Variants in HS3ST4 observed in about 807,000 individuals in gnomAD.
The protein encoded by HS3ST4 is heparan sulfate-glucosamine 3-sulfotransferase 4, also known as heparan sulfate glucosamine 3-O-sulfotransferase 4.
Under a neutral mutation model 29.2 loss-of-function variants are expected in HS3ST4, and 17 were observed. The observed-to-expected ratio is 0.58, with a 90% confidence interval of 0.40 to 0.87. HS3ST4 has a LOEUF of 0.87. Ranked by LOEUF, HS3ST4 falls within the 40% of genes least tolerant of loss-of-function variation. HS3ST4 has a pLI of 0.00. For missense variants in HS3ST4, 627 were observed against 634.5 expected (o/e 0.99, Z 0.13); for synonymous variants, 314 against 285.7 (o/e 1.10, Z -1.00).
intron 1 of HS3ST4, among the ~76,000 whole-genome samples, chr16:25,828,242 C>CTTTCTCTTTCTTTCTTTCTT (rs1371928058): frequency 5.3e-5 from 4 of 75,032 alleles, no homozygotes; most frequent in East Asian, 7.5e-4. Flanking sequence ...TTCTTTCTTT[C>CTTTCTCTTTCTTTCTTTCTT]TCTTTCTTTC....
Position 26,042,442 on chromosome 16 carries a change from C to T in HS3ST4, c.735-93170C>T, listed in dbSNP as rs147236840. Among the ~76,000 whole-genome samples the T allele has an allele frequency of 3.2e-3, 492 of 152,068 alleles. 5 individuals carry two copies. Among genetic ancestry groups the T allele is most frequent in the African/African-American group, 0.011 (462 of 41,490 alleles). On this transcript the variant is annotated intron_variant, in intron 1 of 1. Transcript: ENST00000331351. ...TGTCATCAGCTTTAAAGCTATGTGGCGGTTGAATGCAATCATTTCTGTTTT... is the reference window on the plus strand; with the variant it reads ...TGTCATCAGCTTTAAAGCTATGTGGTGGTTGAATGCAATCATTTCTGTTTT...
chr16:25,990,298 G>A (rs1346187080), intron 1 of HS3ST4, among the ~76,000 whole-genome samples: 1 of 152,180 alleles, frequency 6.6e-6, no homozygotes, highest in Non-Finnish European at 1.5e-5. Context: ...TGGGTTATAT[G>A]GTAAGGGTAT....
intron 1 of HS3ST4, among the ~76,000 whole-genome samples, chr16:25,904,627 A>C (rs1968161864): frequency 6.6e-6 from 1 of 152,120 alleles, no homozygotes; most frequent in Non-Finnish European, 1.5e-5. Context: ...TCCTATCTTC[A>C]TTCATTTTTT....
chr16:25,778,208 T>A (rs947410543), intron 1 of HS3ST4, among the ~76,000 whole-genome samples: 6 of 152,232 alleles, frequency 3.9e-5, no homozygotes, highest in Non-Finnish European at 7.3e-5. Context: ...TGACATATTT[T>A]ATCACCTTCT....
intron 1 of HS3ST4, among the ~76,000 whole-genome samples, chr16:25,866,115 C>A (rs1247107226): frequency 6.6e-6 from 1 of 152,150 alleles, no homozygotes; most frequent in Non-Finnish European, 1.5e-5. Context: ...GTATAAAACT[C>A]AATTCCTTAA....
At position 25,734,111 on chromosome 16, in the gene HS3ST4, C is replaced by T. The variant is rs184875651; in HGVS notation, c.734+40960C>T. ...CAGCCTGGGTGACAGAGCGAGACTC[C>T]GTCTCAAAAAAACAAAACAAAACAA... On this transcript the variant is annotated intron_variant, in intron 1 of 1. Transcript: ENST00000331351. Among the ~76,000 whole-genome samples, 254 of 152,056 alleles carry T rather than the reference C, an allele frequency of 1.7e-3. 3 individuals are homozygous for T. The East Asian group carries it at 0.04, about 24-fold the overall frequency.
chr16:26,013,159 T>C (rs1969326955), intron 1 of HS3ST4, among the ~76,000 whole-genome samples: 1 of 151,626 alleles, frequency 6.6e-6, no homozygotes, highest in Non-Finnish European at 1.5e-5. Flanking sequence ...CAAGACTCTG[T>C]CAAAAATAAA....
At chr16:25,695,180 C>A (rs1966285904) in intron 1 of HS3ST4, among the ~76,000 whole-genome samples, 1 of 152,156 alleles carries the variant, frequency 6.6e-6, no homozygotes, top group Admixed American at 6.5e-5. Flanking sequence ...ATTTGGTAGC[C>A]ACTCACAGAA....
chr16:25,831,491 T>C (rs1216580832), intron 1 of HS3ST4, among the ~76,000 whole-genome samples: 2 of 149,742 alleles, frequency 1.3e-5, no homozygotes, highest in African/African-American at 5.0e-5. Flanking sequence ...CTCGGGAGAC[T>C]GAGGTGGGAG....
intron 1 of HS3ST4, among the ~76,000 whole-genome samples, chr16:25,795,762 C>T (rs2141621803): frequency 6.6e-6 from 1 of 152,250 alleles, no homozygotes; most frequent in South Asian, 2.1e-4. Context: ...ATAGATAGAG[C>T]TGATTTGAGG....
At chr16:25,788,745 G>T (rs1329558797) in intron 1 of HS3ST4, among the ~76,000 whole-genome samples, 5 of 151,202 alleles carry the variant, frequency 3.3e-5, no homozygotes, top group Non-Finnish European at 7.4e-5. Context: ...CTTGTGTGTT[G>T]CCCAGGCTGG....
At chr16:25,899,805 C>T (rs1157267502) in intron 1 of HS3ST4, among the ~76,000 whole-genome samples, 3 of 152,106 alleles carry the variant, frequency 2.0e-5, no homozygotes, top group African/African-American at 7.2e-5. Context: ...AGGACTTCTC[C>T]TTCTTCTCTC....
At chr16:25,891,416 G>A (rs371633808) in intron 1 of HS3ST4, among the ~76,000 whole-genome samples, 2 of 152,254 alleles carry the variant, frequency 1.3e-5, no homozygotes, top group East Asian at 3.9e-4. Context: ...TTAAAGGCTA[G>A]GGGTAACTCA....
chr16:25,748,300 C>T (rs1460893909), intron 1 of HS3ST4, among the ~76,000 whole-genome samples: 1 of 152,162 alleles, frequency 6.6e-6, no homozygotes, highest in African/African-American at 2.4e-5. Context: ...CTGAAATTGA[C>T]ATGATGCTTA....
At chr16:25,721,621 C>G (rs981622181) in intron 1 of HS3ST4, among the ~76,000 whole-genome samples, 1 of 152,172 alleles carries the variant, frequency 6.6e-6, no homozygotes. Context: ...TATTTATGCA[C>G]AGACAGTTCT....
At chr16:25,761,840 G>A (rs1232405829) in intron 1 of HS3ST4, among the ~76,000 whole-genome samples, 1 of 152,192 alleles carries the variant, frequency 6.6e-6, no homozygotes, top group African/African-American at 2.4e-5. Context: ...ATGTACTAAT[G>A]TAATCCTCAT....
Position 25,692,628 on chromosome 16 carries a change from G to A in HS3ST4, c.211G>A (p.Ala71Thr). The stretch of plus-strand genomic sequence containing the variant: ...TCTGGCGCTGCAGGAGTCGCCGGGC[G>A]CCGCCGCCGAGCCCCCGCCGAGCCC... ...FPLALQESPG[A>T]AAEPPPSPPP... Residue 71 changes from alanine (A) to threonine (T), a missense_variant, in exon 1 of 2, where the codon GCC becomes ACC. By Grantham distance (58) the Ala-to-Thr change is moderately conservative (BLOSUM62 0). Around this residue, in one of 2 missense-constraint regions of HS3ST4, gnomAD observed 402 missense variants for 340.8 expected, o/e 1.18. Transcript: ENST00000331351. 3 of 1,367,336 alleles carry A rather than the reference G, an allele frequency of 2.2e-6. No homozygotes were observed. The highest frequency in any genetic ancestry group is 3.1e-5 in the South Asian group (2 of 64,744). 84.7% of individuals were successfully genotyped at this position (1,367,336 alleles called of 1,614,324 possible). A position where few individuals can be genotyped will look rare whatever the true frequency, so the allele number is the denominator to read the frequency against.
chr16:26,112,219 T>C (rs1290174900), intron 1 of HS3ST4, among the ~76,000 whole-genome samples: 2 of 144,932 alleles, frequency 1.4e-5, no homozygotes, highest in African/African-American at 2.6e-5. Context: ...GAATTTTGTG[T>C]GAAACCATGC....
At position 26,085,360 on chromosome 16, in the gene HS3ST4, G is replaced by A. The variant is rs1440857262; in HGVS notation, c.735-50252G>A. Among the ~76,000 whole-genome samples, 3 of 152,174 alleles carry A rather than the reference G, an allele frequency of 2.0e-5. No individual in the cohort carries two copies. The East Asian group carries it at 5.8e-4, about 29-fold the overall frequency. On this transcript the variant is annotated intron_variant, in intron 1 of 1. Coordinates refer to ENST00000331351, the MANE Select transcript of HS3ST4 (RefSeq NM_006040.3). ...AAGTTTCTATTACATACCAGGCCCT[G>A]TATAGGGATCCAGAGATCCAGCAGT...
Sources: allele counts gnomAD v4.1 joint callset (sites outside exome capture counted in the v4.1 genomes callset), GRCh38; gene constraint gnomAD v4.1.1; regional missense constraint gnomAD v4.1.1; transcripts MANE v1.5; gene names NCBI Gene and HGNC (gene_info 2026-07-23, HGNC 2026-07-21).